Variants in UBE2L3 observed in about 807,000 individuals in gnomAD.
The protein encoded by UBE2L3 is ubiquitin-conjugating enzyme E2 L3.
UBE2L3 carries 1 observed loss-of-function variant against 17.8 expected under a neutral mutation model. That is an observed-to-expected ratio of 0.06 (90% CI 0.02 to 0.27). The LOEUF (loss-of-function observed/expected upper bound fraction) is 0.27. UBE2L3 is among the 10% of genes least tolerant of loss of function. The probability of loss-of-function intolerance (pLI) is 1.00; values close to 1 mark genes in which losing one functional copy is unlikely to be tolerated. For missense variants in UBE2L3, 40 were observed against 192.6 expected, an observed-to-expected ratio of 0.21 and a Z score of 4.69; for synonymous variants, 44 against 68.5, an observed-to-expected ratio of 0.64 and a Z score of 1.76.
At chr22:21,593,037 T>G in intron 2 of UBE2L3, 81 bp downstream of exon 2, 1 of 1,242,420 alleles carries the variant, frequency 8.0e-7, no homozygotes, top group Admixed American at 1.7e-5. Context: ...TTTCTGCTCC[T>G]TAGTAGGCTC....
intron 3 of UBE2L3, among the ~76,000 whole-genome samples, chr22:21,615,701 C>A (rs1371554099): frequency 6.6e-6 from 1 of 152,210 alleles, no homozygotes; most frequent in African/African-American, 2.4e-5. Context: ...TTTTTTGTAG[C>A]CCCAAAATCA....
At chr22:21,561,411 A>G (rs1344459860) in intron 1 of UBE2L3, among the ~76,000 whole-genome samples, 4 of 152,298 alleles carry the variant, frequency 2.6e-5, no homozygotes, top group South Asian at 2.1e-4. Flanking sequence ...AACTGTCTCT[A>G]TAAATTTTCT....
intron 1 of UBE2L3, 83 bp from the exon 2 acceptor site, chr22:21,592,778 T>C (rs1928332325): frequency 4.4e-6 from 5 of 1,136,514 alleles, no homozygotes. Context: ...TGGCACTTGG[T>C]TTAATTTGAG....
At chr22:21,613,870 C>T (rs1011130313) in intron 3 of UBE2L3, among the ~76,000 whole-genome samples, 5 of 152,230 alleles carry the variant, frequency 3.3e-5, no homozygotes, top group Admixed American at 6.5e-5. Context: ...CACAAGGCTA[C>T]ATTGGACCCC....
chr22:21,558,824 G>C (rs1368524974), intron 1 of UBE2L3, among the ~76,000 whole-genome samples: 2 of 152,226 alleles, frequency 1.3e-5, no homozygotes, highest in African/African-American at 4.8e-5. Flanking sequence ...TGTGTTTTCT[G>C]TCTGTTCTTT....
At position 21,568,069 on chromosome 22, in the gene UBE2L3, C is replaced by A. The variant is rs1024694360; in HGVS notation, c.27+298C>A. On this transcript the variant is annotated intron_variant, in intron 1 of 3. Coordinates refer to ENST00000342192, the MANE Select transcript of UBE2L3 (RefSeq NM_003347.4). ...GTCCCCCTGTCGCGGAGGCCGCGGT[C>A]CGATCTGAGGGCGTCGTTAATGTGA... The A allele has an allele frequency of 2.1e-5, 26 of 1,256,184 alleles. No individual in the cohort carries two copies. The African/African-American group carries it at 3.8e-4, about 18-fold the overall frequency. The allele number at this position is 1,256,184 out of a possible 1,614,324, so 77.8% of individuals were successfully genotyped here.
intron 1 of UBE2L3, among the ~76,000 whole-genome samples, chr22:21,552,720 CTTTT>C (rs1286930537): frequency 1.9e-4 from 1 of 5,332 alleles, no homozygotes. Flanking sequence ...TCCAGATGTT[CTTTT>C]TTTTTTTTTT....
At chr22:21,618,601 T>C (rs2148449698) in intron 3 of UBE2L3, among the ~76,000 whole-genome samples, 1 of 151,486 alleles carries the variant, frequency 6.6e-6, no homozygotes, top group East Asian at 1.9e-4. Context: ...ATATTATTTT[T>C]TTTTTGCGAT....
At chr22:21,594,705 G>A (rs1928430453) in intron 2 of UBE2L3, among the ~76,000 whole-genome samples, 1 of 152,068 alleles carries the variant, frequency 6.6e-6, no homozygotes, top group Non-Finnish European at 1.5e-5. Context: ...ATGGTGTTAG[G>A]GCTCAGGGCA....
intron 1 of UBE2L3, among the ~76,000 whole-genome samples, chr22:21,592,097 G>A (rs1928295879): frequency 6.6e-6 from 1 of 152,220 alleles, no homozygotes; most frequent in South Asian, 2.1e-4. Context: ...GTAAAGTTGT[G>A]CTTTCTGGGT....
At chr22:21,592,056 C>G in intron 1 of UBE2L3, among the ~76,000 whole-genome samples, 1 of 152,174 alleles carries the variant, frequency 6.6e-6, no homozygotes. Flanking sequence ...ACAGACAGTT[C>G]TGAAGACATC....
chr22:21,592,580 T>TA (rs1337387419), intron 1 of UBE2L3, among the ~76,000 whole-genome samples: 5 of 152,122 alleles, frequency 3.3e-5, no homozygotes, highest in African/African-American at 1.2e-4. Flanking sequence ...GAGGAGGTGG[T>TA]ACGTCTGCAG....
At chr22:21,586,420 C>T (rs1291332312) in intron 1 of UBE2L3, among the ~76,000 whole-genome samples, 1 of 151,968 alleles carries the variant, frequency 6.6e-6, no homozygotes, top group African/African-American at 2.4e-5. Flanking sequence ...TAGGTGCACG[C>T]CACCATGCCC....
intron 1 of UBE2L3, among the ~76,000 whole-genome samples, chr22:21,558,629 C>CAAAA (rs131645): frequency 3.9e-5 from 3 of 77,168 alleles, no homozygotes; most frequent in South Asian, 5.1e-4. Context: ...GACTCTGTCT[C>CAAAA]AAAAAAAAAA....
chr22:21,590,154 C>A (rs981508575), intron 1 of UBE2L3, among the ~76,000 whole-genome samples: 1 of 151,760 alleles, frequency 6.6e-6, no homozygotes, highest in Non-Finnish European at 1.5e-5. Context: ...TTTTATAATT[C>A]TTGTGAAATT....
rs1317098098 is a variant in UBE2L3 at position 21,582,387 on chromosome 22, T to C, written c.28-10474T>C. On this transcript the variant is annotated intron_variant, in intron 1 of 3. Transcript: ENST00000342192. ...TTTTTTTTTTGCGATGGAGTCTCGC[T>C]CTGTCACCCAGGCTGGAGTGCAGTG... Among the ~76,000 whole-genome samples, 7 of 150,680 alleles carry C rather than the reference T, an allele frequency of 4.6e-5. No homozygotes were observed. The East Asian group carries it at 1.4e-3, about 30-fold the overall frequency.
At chr22:21,568,377 G>A (rs1017693093) in intron 1 of UBE2L3, 1 of 985,480 alleles carries the variant, frequency 1.0e-6, no homozygotes, top group Non-Finnish European at 1.2e-6. Flanking sequence ...TCACACAGCG[G>A]GTAAGTTCCA....
chr22:21,622,164 C>T lies in UBE2L3; in HGVS notation c.*495C>T, dbSNP rs1568991212. 6.4e-6 allele frequency: 1 copy of T among 156,618 alleles called. No homozygotes were observed. The highest frequency in any genetic ancestry group is 2.4e-5 in the African/African-American group (1 of 41,444). The allele number at this position is 156,618 out of a possible 1,614,324, so 9.7% of individuals were successfully genotyped here. ...GTGGCTTTTCTTAGCATGTGTGGCACTGTTGCCCAGTGTGGGAGTTGGTTT... is the reference window on the plus strand; with the variant it reads ...GTGGCTTTTCTTAGCATGTGTGGCATTGTTGCCCAGTGTGGGAGTTGGTTT... On this transcript the variant is annotated 3_prime_UTR_variant, in exon 4 of 4. Transcript: ENST00000342192.
intron 1 of UBE2L3, among the ~76,000 whole-genome samples, chr22:21,587,214 C>T (rs1444949742): frequency 1.3e-5 from 2 of 149,344 alleles, no homozygotes; most frequent in South Asian, 2.1e-4. Context: ...TTTTTTGAGA[C>T]GAAGTCTTGC....
Sources: allele counts gnomAD v4.1 joint callset (sites outside exome capture counted in the v4.1 genomes callset), GRCh38; gene constraint gnomAD v4.1.1; transcripts MANE v1.5; gene names NCBI Gene and HGNC (gene_info 2026-07-23, HGNC 2026-07-21).